The following WDR37 variants were observed in gnomAD, a reference collection of about 807,000 sequenced individuals.
WDR37 encodes the protein WD repeat domain 37.
Under a neutral mutation model 62.9 loss-of-function variants are expected in WDR37, and 19 were observed. The observed-to-expected ratio is 0.30, with a 90% CI of 0.21 to 0.44. The LOEUF is 0.44. Among genes scored for constraint, WDR37 ranks in the 20% least tolerant of loss-of-function variants. The pLI is 1.00. For synonymous variants in WDR37, 250 were observed against 260.9 expected, an observed-to-expected ratio of 0.96 and a Z score of 0.40; for missense variants, 474 against 657.6, an observed-to-expected ratio of 0.72 and a Z score of 3.05.
chr10:1,067,289 G>GGTCA (rs1833582571), intron 1 of WDR37, among the ~76,000 whole-genome samples: 2 of 152,162 alleles, frequency 1.3e-5, no homozygotes, highest in Middle Eastern at 3.4e-3. Context: ...CTTATAAAAA[G>GGTCA]GTCAGTACCA....
chr10:1,065,438 A>G (rs1833505402), intron 1 of WDR37, among the ~76,000 whole-genome samples: 1 of 152,210 alleles, frequency 6.6e-6, no homozygotes, highest in African/African-American at 2.4e-5. Flanking sequence ...ATATGAAATT[A>G]TAAAAAATGT....
chr10:1,120,036 G>A (rs1272991059), intron 11 of WDR37, among the ~76,000 whole-genome samples: 1 of 152,190 alleles, frequency 6.6e-6, no homozygotes, highest in Non-Finnish European at 1.5e-5. Flanking sequence ...TATCTGAAGG[G>A]TCCACTTTTT....
At chr10:1,098,173 C>T (rs1021653764) in intron 9 of WDR37, among the ~76,000 whole-genome samples, 1 of 152,074 alleles carries the variant, frequency 6.6e-6, no homozygotes, top group African/African-American at 2.4e-5. Flanking sequence ...GATGGGGCCT[C>T]TGAGAAAGTG....
intron 1 of WDR37, among the ~76,000 whole-genome samples, chr10:1,069,387 A>ATTTTTTTTTTTTT (rs1368989652): frequency 3.3e-5 from 1 of 30,444 alleles, no homozygotes; most frequent in Non-Finnish European, 5.9e-5. Flanking sequence ...ATATATATAT[A>ATTTTTTTTTTTTT]TATTTTTTTT....
intron 11 of WDR37, among the ~76,000 whole-genome samples, chr10:1,115,499 T>A (rs1835362916): frequency 6.6e-6 from 1 of 152,220 alleles, no homozygotes; most frequent in Admixed American, 6.5e-5. Flanking sequence ...TTTTGCAGCT[T>A]GTGTCATGGT....
intron 9 of WDR37, among the ~76,000 whole-genome samples, chr10:1,102,665 G>T (rs370802844): frequency 6.6e-6 from 1 of 152,220 alleles, no homozygotes; most frequent in African/African-American, 2.4e-5. Flanking sequence ...ATCAGGCTAT[G>T]AGGAATCCTC....
At position 1,129,330 on chromosome 10, in the gene WDR37, C is replaced by T; in HGVS notation, c.1471C>T (p.Leu491=). 6.2e-7 allele frequency: 1 copy of T among 1,614,056 alleles called. No individual in the cohort carries two copies. The highest frequency in any genetic ancestry group is 8.5e-7 in the Non-Finnish European group (1 of 1,179,998). The change falls in exon 14 of 14, where the codon CTA becomes TTA. Residue 491 remains leucine (L), a synonymous_variant. Coordinates refer to ENST00000263150, the MANE Select transcript of WDR37 (RefSeq NM_014023.4). ...TTGGAACATCAACATCCCTGCATTG[C>T]TACAAGAAAAATAAGGACACCGGCA... ...IGWNINIPAL[L]QEK
intron 8 of WDR37, 94 bp from the exon 9 acceptor site, chr10:1,096,076 G>A (rs1235778289): frequency 2.5e-6 from 3 of 1,216,184 alleles, no homozygotes; most frequent in Non-Finnish European, 3.6e-6. Flanking sequence ...AAGCTGGAAA[G>A]GTCTGACTGC....
At chr10:1,093,665 G>C (rs1305001655) in intron 8 of WDR37, among the ~76,000 whole-genome samples, 169 bp downstream of exon 8, 3 of 152,228 alleles carry the variant, frequency 2.0e-5, no homozygotes, top group Non-Finnish European at 4.4e-5. Context: ...ACATTGAGCA[G>C]TACTTTCTAG....
rs55746206 is a variant in WDR37 at position 1,079,468 on chromosome 10, C to T, written c.236-543C>T. ...GGTGCTGTCTTTGAGACCCTGATAG[C>T]AGTGTCTTCCACAGTGTAGCAAGTG... On this transcript the variant is annotated intron_variant, in intron 3 of 13. Transcript: ENST00000263150. Among the ~76,000 whole-genome samples the T allele has an allele frequency of 5.4e-3, 819 of 152,226 alleles. 12 individuals are homozygous for T. The highest frequency in any genetic ancestry group is 0.019 in the African/African-American group (773 of 41,510).
intron 7 of WDR37, among the ~76,000 whole-genome samples, chr10:1,086,560 C>T (rs1834208295): frequency 6.6e-6 from 1 of 152,148 alleles, no homozygotes; most frequent in African/African-American, 2.4e-5. Context: ...AGCTTAACTC[C>T]CTAAACAATG....
At chr10:1,098,222 C>T (rs573784314) in intron 9 of WDR37, among the ~76,000 whole-genome samples, 9 of 152,176 alleles carry the variant, frequency 5.9e-5, no homozygotes, top group Non-Finnish European at 1.3e-4. Context: ...ATGCCCTGAT[C>T]CCATAGGATG....
At chr10:1,093,406 G>T (rs775062781) in intron 7 of WDR37, 46 bp from the exon 8 acceptor site, 126 of 1,480,518 alleles carry the variant, frequency 8.5e-5, no homozygotes, top group Non-Finnish European at 1.0e-4. Context: ...TTGATAACAT[G>T]TTTTTGTCAC....
At chr10:1,098,331 T>C (rs1834667157) in intron 9 of WDR37, among the ~76,000 whole-genome samples, 1 of 148,532 alleles carries the variant, frequency 6.7e-6, no homozygotes, top group Admixed American at 6.7e-5. Context: ...TGTCCGTTTT[T>C]TTTTTTTTTT....
intron 2 of WDR37, among the ~76,000 whole-genome samples, chr10:1,074,057 A>C (rs1433337108): frequency 6.6e-6 from 1 of 152,234 alleles, no homozygotes; most frequent in Non-Finnish European, 1.5e-5. Context: ...GCTGCTGAGC[A>C]CTTGAAATGT....
intron 1 of WDR37, among the ~76,000 whole-genome samples, chr10:1,059,886 G>T (rs552995178): frequency 1.1e-3 from 162 of 152,240 alleles, no homozygotes; most frequent in African/African-American, 3.7e-3. Context: ...TTTCTGTCAC[G>T]CAGGCTGGAG....
chr10:1,072,881 A>T (rs1012930610), intron 2 of WDR37, among the ~76,000 whole-genome samples: 1 of 152,192 alleles, frequency 6.6e-6, no homozygotes, highest in African/African-American at 2.4e-5. Flanking sequence ...GCTTGCGGAC[A>T]GTACAATTCT....
chr10:1,118,023 C>T (rs1423516283), intron 11 of WDR37, among the ~76,000 whole-genome samples: 4 of 102,196 alleles, frequency 3.9e-5, no homozygotes, highest in Non-Finnish European at 8.1e-5. Flanking sequence ...CTGCACACAT[C>T]TGAGCCGTGT....
chr10:1,092,918 C>G (rs111749049), intron 7 of WDR37, among the ~76,000 whole-genome samples: 9 of 145,520 alleles, frequency 6.2e-5, no homozygotes, highest in African/African-American at 2.3e-4. Flanking sequence ...TGCCAAATAC[C>G]CCTTTTGTAA....
Sources: allele counts gnomAD v4.1 joint callset (sites outside exome capture counted in the v4.1 genomes callset), GRCh38; gene constraint gnomAD v4.1.1; transcripts MANE v1.5; gene names NCBI Gene and HGNC (gene_info 2026-07-23, HGNC 2026-07-21).